Variants in CARMIL1 observed in about 807,000 individuals in gnomAD.
CARMIL1 encodes F-actin-uncapping protein LRRC16A.
CARMIL1 carries 90 observed loss-of-function variants against 177.1 expected under a neutral mutation model. The observed-to-expected ratio is 0.51, with a 90% confidence interval of 0.43 to 0.61. The LOEUF (loss-of-function observed/expected upper bound fraction) is 0.61, where lower values mean the gene tolerates loss of function less well. Ranked by LOEUF, CARMIL1 falls within the 20% of genes least tolerant of loss-of-function variation. The pLI is 0.00. For missense variants in CARMIL1, 1,380 were observed against 1,667.0 expected (o/e 0.83, Z 3.00); for synonymous variants, 577 against 606.2 (o/e 0.95, Z 0.71).
intron 2 of CARMIL1, among the ~76,000 whole-genome samples, chr6:25,302,260 C>A (rs1405095774): frequency 6.6e-6 from 1 of 152,164 alleles, no homozygotes; most frequent in Non-Finnish European, 1.5e-5. Context: ...CCACTGGATT[C>A]TCTGACACAA....
intron 2 of CARMIL1, among the ~76,000 whole-genome samples, chr6:25,291,350 A>C (rs1781948521): frequency 6.6e-6 from 1 of 152,152 alleles, no homozygotes; most frequent in Admixed American, 6.5e-5. Flanking sequence ...AAAAAGAAAT[A>C]TCTCTCATAT....
chr6:25,465,842 C>T, intron 8 of CARMIL1, 31 bp from the exon 9 acceptor site: 5 of 1,398,362 alleles, frequency 3.6e-6, no homozygotes, highest in Non-Finnish European at 3.0e-6. Context: ...TGTAGGAGCA[C>T]TTTCATGTAC....
chr6:25,330,420 A>T (rs935413861), intron 2 of CARMIL1, among the ~76,000 whole-genome samples: 7 of 152,210 alleles, frequency 4.6e-5, no homozygotes, highest in African/African-American at 1.7e-4. Flanking sequence ...GAGCCAGGGA[A>T]GAAGGGGAGA....
chr6:25,521,769 C>CAAAAA (rs34016230), intron 23 of CARMIL1, among the ~76,000 whole-genome samples: 1 of 94,038 alleles, frequency 1.1e-5, no homozygotes, highest in Non-Finnish European at 2.3e-5. Context: ...GATTCCATCT[C>CAAAAA]AAAAAAAAAA....
Position 25,370,672 on chromosome 6 carries a change from T to C in CARMIL1, c.139-49442T>C, listed in dbSNP as rs1473357882. On this transcript the variant is annotated intron_variant, in intron 2 of 36. Transcript: ENST00000329474. ...CGTAGCTCTTCCACCCTGAGAGCTA[T>C]TCTCACTTAGGAAGTGGAAAGTCTA... is the stretch of plus-strand genomic sequence containing the variant. Among the ~76,000 whole-genome samples, 22 of 152,206 alleles carry C rather than the reference T, an allele frequency of 1.4e-4. 1 individual carries two copies.
In CARMIL1 at chr6:25,355,832, G is replaced by T. The variant is rs149670751; in HGVS notation, c.139-64282G>T. On this transcript the variant is annotated intron_variant, in intron 2 of 36. Transcript: ENST00000329474. ...CATCTTAACCATTTTTAATTGTGCA[G>T]TTCAGTAAAGTATATTGACATTACT... Among the ~76,000 whole-genome samples, 282 of 152,300 alleles carry T rather than the reference G, an allele frequency of 1.9e-3. 1 individual carries two copies. The highest frequency in any genetic ancestry group is 0.01 in the Middle Eastern group (3 of 294).
chr6:25,354,269 C>G (rs964349070), intron 2 of CARMIL1, among the ~76,000 whole-genome samples: 2 of 151,908 alleles, frequency 1.3e-5, no homozygotes, highest in Admixed American at 1.3e-4. Flanking sequence ...AAGTGATCCT[C>G]CTGCCTCAGC....
Position 25,587,399 on chromosome 6 carries a change from T to C in CARMIL1, c.3006+5960T>C, listed in dbSNP as rs180874002. On this transcript the variant is annotated intron_variant, in intron 31 of 36. Transcript: ENST00000329474. ...CTTCCACTCCCTGGCAGTGTGTGTC[T>C]GGACAGAGGCTTGTGGGTTTTTTTT... Among the ~76,000 whole-genome samples the C allele has an allele frequency of 3.3e-3, 503 of 152,250 alleles. 1 individual carries two copies. Among genetic ancestry groups the C allele is most frequent in the African/African-American group, 0.011 (471 of 41,514 alleles).
At chr6:25,360,233 C>A (rs1435015908) in intron 2 of CARMIL1, among the ~76,000 whole-genome samples, 1 of 152,182 alleles carries the variant, frequency 6.6e-6, no homozygotes, top group Non-Finnish European at 1.5e-5. Flanking sequence ...CTCCTTCCAT[C>A]AGTTTTAAAA....
chr6:25,455,041 T>C (rs1582010964), intron 8 of CARMIL1, among the ~76,000 whole-genome samples: 1 of 152,354 alleles, frequency 6.6e-6, no homozygotes, highest in East Asian at 1.9e-4. Flanking sequence ...GTCATTCTCA[T>C]ATGTATACAT....
chr6:25,379,046 C>T (rs1055327639), intron 2 of CARMIL1, among the ~76,000 whole-genome samples: 71 of 152,056 alleles, frequency 4.7e-4, no homozygotes, highest in African/African-American at 1.6e-3. Context: ...CTTTAAATCT[C>T]GGTTTTCTCA....
chr6:25,361,382 C>T (rs1789177698), intron 2 of CARMIL1, among the ~76,000 whole-genome samples: 1 of 151,956 alleles, frequency 6.6e-6, no homozygotes, highest in African/African-American at 2.4e-5. Flanking sequence ...ACCTTTCCCC[C>T]CCTGCACACT....
intron 4 of CARMIL1, among the ~76,000 whole-genome samples, chr6:25,431,788 T>G (rs1041477005): frequency 2.6e-5 from 4 of 152,186 alleles, no homozygotes; most frequent in African/African-American, 9.7e-5. Context: ...AGAGGAACTG[T>G]GTATAAAGCC....
chr6:25,315,334 A>T (rs945895896), intron 2 of CARMIL1, among the ~76,000 whole-genome samples: 1 of 152,216 alleles, frequency 6.6e-6, no homozygotes, highest in Non-Finnish European at 1.5e-5. Context: ...TTGTCTTGGT[A>T]GGCATCTTCT....
intron 3 of CARMIL1, among the ~76,000 whole-genome samples, chr6:25,421,431 G>A (rs1482891338): frequency 2.6e-5 from 4 of 152,190 alleles, no homozygotes; most frequent in Non-Finnish European, 5.9e-5. Flanking sequence ...TGGTGGGACT[G>A]TAAACTAGTT....
intron 8 of CARMIL1, among the ~76,000 whole-genome samples, chr6:25,463,626 A>G (rs1800312167): frequency 6.6e-6 from 1 of 152,218 alleles, no homozygotes; most frequent in Admixed American, 6.5e-5. Context: ...GAATGTTGAA[A>G]TATACAAGAG....
intron 26 of CARMIL1, among the ~76,000 whole-genome samples, chr6:25,542,003 A>G (rs931672206): frequency 1.3e-5 from 2 of 152,224 alleles, no homozygotes; most frequent in African/African-American, 2.4e-5. Flanking sequence ...TGATGCATCA[A>G]ATAATTTCAT....
At chr6:25,443,162 A>G (rs759255927) in intron 5 of CARMIL1, among the ~76,000 whole-genome samples, 2 of 152,218 alleles carry the variant, frequency 1.3e-5, no homozygotes, top group Non-Finnish European at 2.9e-5. Context: ...TCTGTGTCCA[A>G]GGTTTACCTA....
At chr6:25,552,732 T>C (rs1167865583) in intron 27 of CARMIL1, among the ~76,000 whole-genome samples, 3 of 152,160 alleles carry the variant, frequency 2.0e-5, no homozygotes, top group African/African-American at 7.2e-5. Flanking sequence ...TTGAAATAGA[T>C]GAACCACTCC....
Sources: allele counts gnomAD v4.1 joint callset (sites outside exome capture counted in the v4.1 genomes callset), GRCh38; gene constraint gnomAD v4.1.1; transcripts MANE v1.5; gene names NCBI Gene and HGNC (gene_info 2026-07-23, HGNC 2026-07-21).